Variants in AAGAB observed in about 807,000 individuals in gnomAD.
AAGAB encodes alpha and gamma adaptin binding protein.
AAGAB carries 38 observed loss-of-function variants against 44.1 expected under a neutral mutation model. The ratio of observed to expected loss-of-function variants is 0.86; its 90% CI spans 0.67 to 1.13. AAGAB has a LOEUF of 1.13. Among genes scored for constraint, AAGAB ranks in the 50% most tolerant of loss-of-function variants. AAGAB has a pLI of 0.00. For synonymous variants in AAGAB, 131 were observed against 131.8 expected (o/e 0.99, Z 0.04); for missense variants, 450 against 373.8 (o/e 1.20, Z -1.68).
In AAGAB at chr15:67,236,398, C is replaced by T; in HGVS notation, c.361+10G>A. 6.2e-7 allele frequency: 1 copy of T among 1,612,644 alleles called. No homozygotes were observed. Among genetic ancestry groups the T allele is most frequent in the Non-Finnish European group, 8.5e-7 (1 of 1,178,820 alleles). ...CATGTACCAACTACTGTCCCATCCA[C>T]AGGCCTTACCATCTTCAGACACTCT... On this transcript the variant is annotated intron_variant, in intron 3 of 9. Transcript: ENST00000261880.
intron 1 of AAGAB, among the ~76,000 whole-genome samples, chr15:67,240,404 G>A (rs1235813129): frequency 6.6e-6 from 1 of 152,120 alleles, no homozygotes; most frequent in African/African-American, 2.4e-5. Context: ...CCTCCTGGTC[G>A]ATGCCAGCCT....
chr15:67,236,585 T>G, intron 2 of AAGAB, 45 bp downstream of exon 2: 1 of 1,602,240 alleles, frequency 6.2e-7, no homozygotes, highest in Admixed American at 1.7e-5. Flanking sequence ...AAAGAAGGCA[T>G]GCAATAATTT....
intron 5 of AAGAB, among the ~76,000 whole-genome samples, chr15:67,228,775 C>T (rs1274268299): frequency 1.3e-5 from 2 of 152,110 alleles, no homozygotes; most frequent in Non-Finnish European, 2.9e-5. Context: ...ACACATACAC[C>T]ACGGAATACT....
At chr15:67,232,227 C>A (rs1407367092) in intron 4 of AAGAB, among the ~76,000 whole-genome samples, 5 of 133,342 alleles carry the variant, frequency 3.7e-5, no homozygotes, top group South Asian at 2.4e-4. Flanking sequence ...CCAGCCTGGG[C>A]AACAGGAGCA....
upstream of AAGAB, chr15:67,254,754 C>G: frequency 7.5e-7 from 1 of 1,336,768 alleles, no homozygotes; most frequent in South Asian, 1.3e-5. Flanking sequence ...CTGGCCTGAC[C>G]CCGCCCCTAG....
chr15:67,220,263 A>G (rs1278149706), intron 5 of AAGAB, among the ~76,000 whole-genome samples: 2 of 152,228 alleles, frequency 1.3e-5, no homozygotes, highest in African/African-American at 2.4e-5. Flanking sequence ...ACACAGTCTC[A>G]TTAAAATCTT....
chr15:67,254,927 G>A (rs1417436670), upstream of AAGAB: 41 of 1,613,810 alleles, frequency 2.5e-5, no homozygotes, highest in Non-Finnish European at 3.4e-5. Flanking sequence ...CCACGACCCT[G>A]TCGGATCCAT....
chr15:67,254,807 G>A (rs578254920), upstream of AAGAB: 173 of 1,430,950 alleles, frequency 1.2e-4, 1 homozygote, highest in Admixed American at 1.1e-3. Context: ...GGTCGCGCGC[G>A]GTGTTGCCAT....
At chr15:67,239,344 G>A (rs1172420442) in intron 1 of AAGAB, among the ~76,000 whole-genome samples, 1 of 152,122 alleles carries the variant, frequency 6.6e-6, no homozygotes, top group African/African-American at 2.4e-5. Context: ...GAACACAAAA[G>A]AACAAAACAA....
At chr15:67,219,575 C>A (rs1171935930) in intron 5 of AAGAB, among the ~76,000 whole-genome samples, 1 of 152,090 alleles carries the variant, frequency 6.6e-6, no homozygotes, top group Non-Finnish European at 1.5e-5. Context: ...GAAAACCAAA[C>A]ACGATATGTT....
chr15:67,203,984 A>G, intron 8 of AAGAB, 60 bp downstream of exon 8: 2 of 1,023,600 alleles, frequency 2.0e-6, no homozygotes, highest in African/African-American at 1.6e-5. Flanking sequence ...ATAAAATGCT[A>G]CTACGTAAAA....
intron 1 of AAGAB, among the ~76,000 whole-genome samples, chr15:67,237,055 T>C (rs1232587501): frequency 6.6e-6 from 1 of 152,112 alleles, no homozygotes; most frequent in Non-Finnish European, 1.5e-5. Context: ...ACAAAAATCA[T>C]TGTGAACTAG....
intron 5 of AAGAB, among the ~76,000 whole-genome samples, chr15:67,229,009 TG>T (rs1317450361): frequency 1.3e-5 from 2 of 152,016 alleles, no homozygotes; most frequent in African/African-American, 2.4e-5. Context: ...GGGTGAGGGT[TG>T]AAAAACTACC....
chr15:67,246,150 G>C (rs1227192393), intron 1 of AAGAB, among the ~76,000 whole-genome samples: 1 of 152,206 alleles, frequency 6.6e-6, no homozygotes, highest in Admixed American at 6.5e-5. Flanking sequence ...GGAGGCCAAG[G>C]TGAGCGGATC....
Position 67,204,162 on chromosome 15 carries a change from T to C in AAGAB, c.716-14A>G, listed in dbSNP as rs1168910455. 10 of 1,534,598 alleles carry C rather than the reference T, an allele frequency of 6.5e-6. No individual in the cohort carries two copies. The East Asian group carries it at 9.0e-5, about 14-fold the overall frequency. ...CTAACATGGGATCTGAAATAGGGAT[T>C]TGTCACATTATCTGTCACGTTATTT... is the stretch of plus-strand genomic sequence containing the variant. On this transcript the variant is annotated splice_polypyrimidine_tract_variant and intron_variant, in intron 7 of 9. Coordinates refer to ENST00000261880, the MANE Select transcript of AAGAB (RefSeq NM_024666.5).
intron 1 of AAGAB, among the ~76,000 whole-genome samples, chr15:67,243,873 TTTGA>T (rs1567031382): frequency 6.6e-6 from 1 of 152,256 alleles, no homozygotes; most frequent in Non-Finnish European, 1.5e-5. Flanking sequence ...AAGTGTCTTC[TTTGA>T]TTATTAACCA....
At chr15:67,244,741 C>A (rs1461184640) in intron 1 of AAGAB, among the ~76,000 whole-genome samples, 1 of 151,502 alleles carries the variant, frequency 6.6e-6, no homozygotes, top group Non-Finnish European at 1.5e-5. Flanking sequence ...GAGGCGGAGG[C>A]TGCAGTGAGC....
intron 1 of AAGAB, among the ~76,000 whole-genome samples, chr15:67,238,097 C>A (rs759961802): frequency 6.6e-6 from 1 of 151,928 alleles, no homozygotes. Context: ...AATAAAAGGT[C>A]GGCCCTTTTT....
chr15:67,242,876 T>TA (rs1964636435), intron 1 of AAGAB: 1 of 152,294 alleles, frequency 6.6e-6, no homozygotes, highest in East Asian at 1.9e-4. Context: ...TGGATTGACT[T>TA]AAAGCAACAT....
Sources: gnomAD v4.1 joint callset for allele counts (sites outside exome capture counted in the v4.1 genomes callset) on GRCh38, gnomAD v4.1.1 for gene constraint, MANE v1.5 for transcripts, NCBI Gene and HGNC (gene_info 2026-07-23, HGNC 2026-07-21) for gene names.